Variants in BRWD3 observed in about 807,000 individuals in gnomAD.
BRWD3 encodes bromodomain and WD repeat domain containing 3.
A neutral mutation model predicts 149.7 loss-of-function variants in BRWD3; 10 were observed. The observed-to-expected ratio is 0.07, with a 90% CI of 0.04 to 0.11. BRWD3 has a LOEUF of 0.11. BRWD3 is among the 10% of genes least tolerant of loss of function. BRWD3 has a pLI of 1.00. For missense variants in BRWD3, 940 were observed against 1,373.2 expected (o/e 0.68, Z 4.99); for synonymous variants, 504 against 456.7 (o/e 1.10, Z -1.32).
intron 6 of BRWD3, among the ~76,000 whole-genome samples, chrX:80,775,131 T>A (rs910279371): frequency 1.8e-5 from 2 of 112,084 alleles, no homozygotes; most frequent in African/African-American, 3.2e-5. Flanking sequence ...TGCTCATTCA[T>A]TTACATATTA....
chrX:80,722,433 C>T, intron 17 of BRWD3, 129 bp downstream of exon 17: 2 of 627,133 alleles, frequency 3.2e-6, no homozygotes, highest in South Asian at 2.6e-5. Context: ...TGAAAATAAA[C>T]AGTAACAGAA....
At chrX:80,695,865 G>C in intron 27 of BRWD3, 43 bp downstream of exon 27, 1 of 1,075,111 alleles carries the variant, frequency 9.3e-7, no homozygotes, top group Non-Finnish European at 1.3e-6. Flanking sequence ...GTTACTTACT[G>C]TACATAAGCT....
intron 6 of BRWD3, among the ~76,000 whole-genome samples, chrX:80,772,158 C>T (rs895484477): frequency 2.4e-4 from 27 of 112,041 alleles, no homozygotes; most frequent in East Asian, 2.8e-4. Context: ...ACTATAAAGA[C>T]ACACGCACAC....
At chrX:80,777,734 T>A (rs1396245746) in intron 6 of BRWD3, among the ~76,000 whole-genome samples, 4 of 111,646 alleles carry the variant, frequency 3.6e-5, no homozygotes, top group Non-Finnish European at 7.5e-5. Flanking sequence ...ACATAACTCT[T>A]GGGCAATTTT....
chrX:80,735,821 A>AC (rs2073396142), intron 9 of BRWD3, among the ~76,000 whole-genome samples, 167 bp downstream of exon 9: 1 of 105,541 alleles, frequency 9.5e-6, no homozygotes, highest in Non-Finnish European at 1.9e-5. Flanking sequence ...AAAAAAAAAA[A>AC]TTATCCTAAA....
intron 6 of BRWD3, among the ~76,000 whole-genome samples, chrX:80,783,583 A>G (rs1363480108): frequency 9.0e-6 from 1 of 110,612 alleles, no homozygotes; most frequent in Non-Finnish European, 1.9e-5. Context: ...ATATACCCAA[A>G]AGAAAGCAAA....
chrX:80,707,720 T>C, intron 21 of BRWD3, among the ~76,000 whole-genome samples: 1 of 112,261 alleles, frequency 8.9e-6, no homozygotes, highest in South Asian at 3.7e-4. Flanking sequence ...CTTATTGATA[T>C]AAAACATCTT....
At position 80,704,792 on chromosome X, in the gene BRWD3, T is replaced by C; in HGVS notation, c.2607A>G (p.Gln869=). ...TCTGTCTGGTTTGTCTTTTTGGGGG[T>C]TGTAAATTTATTCCAGCATCTGCTG... The part of the protein sequence containing the change: ...DWTADAGINL[Q]PPKRQTRQTT... The change falls in exon 23 of 41, where the codon CAA becomes CAG. Residue 869 remains glutamine, a synonymous_variant. Transcript: ENST00000373275. 2 of 1,210,942 alleles carry C rather than the reference T, an allele frequency of 1.7e-6. No homozygotes were observed. The highest frequency in any genetic ancestry group is 1.8e-5 in the South Asian group (1 of 57,000).
chrX:80,688,160 A>C, intron 33 of BRWD3, 35 bp from the exon 34 acceptor site: 1 of 1,057,295 alleles, frequency 9.5e-7, no homozygotes, highest in Non-Finnish European at 1.3e-6. Context: ...AAAGACGTTA[A>C]GTTACATTCA....
At chrX:80,788,357 A>G (rs1430864700) in intron 6 of BRWD3, among the ~76,000 whole-genome samples, 7 of 110,638 alleles carry the variant, frequency 6.3e-5, no homozygotes, top group African/African-American at 2.3e-4. Flanking sequence ...CCCAAAATAT[A>G]TAAAGAACTC....
chrX:80,712,233 C>T (rs2072981265), intron 20 of BRWD3, among the ~76,000 whole-genome samples: 1 of 111,506 alleles, frequency 9.0e-6, no homozygotes. Flanking sequence ...CATCTCGGCT[C>T]ACTGCAACCT....
chrX:80,694,583 A>G (rs1341702160), intron 27 of BRWD3, among the ~76,000 whole-genome samples: 1 of 111,627 alleles, frequency 9.0e-6, no homozygotes, highest in Non-Finnish European at 1.9e-5. Flanking sequence ...GCTGCCCAAG[A>G]GCATGGGAAC....
At position 80,738,469 on chromosome X, in the gene BRWD3, T is replaced by A. The variant is rs889210117; in HGVS notation, c.814-2381A>T. ...TTTAACTATATTTTGTTAAAAAAAA[T>A]ACAAAACGTGGGAGAATAATATATC... On this transcript the variant is annotated intron_variant, in intron 8 of 40. Transcript: ENST00000373275. Among the ~76,000 whole-genome samples the A allele has an allele frequency of 2.7e-5, 3 of 111,422 alleles. No individual in the cohort carries two copies. The East Asian group carries it at 8.5e-4, about 32-fold the overall frequency.
At chrX:80,752,334 C>T (rs923112480) in intron 6 of BRWD3, among the ~76,000 whole-genome samples, 2 of 111,573 alleles carry the variant, frequency 1.8e-5, no homozygotes, top group African/African-American at 6.5e-5. Flanking sequence ...CATATCTTTG[C>T]TATTGTGAAT....
chrX:80,797,387 AACTTC>A (rs780417849), intron 4 of BRWD3, among the ~76,000 whole-genome samples: 91 of 111,377 alleles, frequency 8.2e-4, no homozygotes, highest in Non-Finnish European at 1.4e-3. Context: ...GTTACATAAA[AACTTC>A]ACTTAACTAC....
rs1041262074 is a variant in BRWD3 at position 80,801,496 on chromosome X, G to A, written c.180+7043C>T. ...CTCCCAAAGTGCTGGGATTACAGGC[G>A]TGAGCAACCGCGCCCGGACGAGAAA... On this transcript the variant is annotated intron_variant, in intron 4 of 40. Coordinates refer to ENST00000373275, the MANE Select transcript of BRWD3 (RefSeq NM_153252.5). Among the ~76,000 whole-genome samples the A allele has an allele frequency of 4.6e-5, 5 of 108,781 alleles. No individual in the cohort carries two copies. The East Asian group carries it at 1.5e-3, about 32-fold the overall frequency. The allele number at this position is 108,781 out of a possible 115,157, so 94.5% of individuals were successfully genotyped here. A position where few individuals can be genotyped will look rare whatever the true frequency, so the allele number is the denominator to read the frequency against.
intron 12 of BRWD3, 113 bp from the exon 13 acceptor site, chrX:80,730,133 G>T (rs1602364106): frequency 1.9e-6 from 1 of 516,915 alleles, no homozygotes; most frequent in Non-Finnish European, 3.4e-6. Context: ...ATGTAAAATG[G>T]TACAGTCACT....
intron 6 of BRWD3, among the ~76,000 whole-genome samples, chrX:80,751,166 A>T (rs1490135632): frequency 2.7e-5 from 3 of 111,522 alleles, no homozygotes; most frequent in Non-Finnish European, 3.8e-5. Context: ...TGGAGCAACA[A>T]GTTTTGAGAT....
intron 38 of BRWD3, 94 bp downstream of exon 38, chrX:80,682,371 G>T: frequency 9.9e-7 from 1 of 1,009,963 alleles, no homozygotes; most frequent in Non-Finnish European, 1.4e-6. Flanking sequence ...AAGACCTCTT[G>T]GGATCTCCCC....
Sources: allele counts gnomAD v4.1 joint callset (sites outside exome capture counted in the v4.1 genomes callset), GRCh38; gene constraint gnomAD v4.1.1; transcripts MANE v1.5; gene names NCBI Gene and HGNC (gene_info 2026-07-23, HGNC 2026-07-21).